MAP3K9: variants seen among roughly 807,000 people sequenced by gnomAD.
MAP3K9 encodes mixed lineage kinase 1 (tyr and ser/thr specificity).
In MAP3K9, 46 loss-of-function variants were observed where a neutral mutation model predicts 95.8. The observed-to-expected ratio is 0.48, with a 90% confidence interval of 0.38 to 0.61. The LOEUF is 0.61. Ranked by LOEUF, MAP3K9 falls within the 20% of genes least tolerant of loss-of-function variation. The pLI is 0.00. For synonymous variants in MAP3K9, 533 were observed against 593.8 expected (o/e 0.90, Z 1.49); for missense variants, 1,296 against 1,474.3 (o/e 0.88, Z 1.98).
rs10149373 is a variant in MAP3K9 at position 70,795,310 on chromosome 14, A to C, written c.820+5357T>G. On this transcript the variant is annotated intron_variant, in intron 2 of 11. Coordinates refer to ENST00000554752, the MANE Select transcript of MAP3K9 (RefSeq NM_001284230.2). ...CATGCCCAGCCTCTCTTTTTCTTTT[A>C]TTTATTTATTTTTTTTGAGATAGAG... 7.3e-3 allele frequency among the ~76,000 whole-genome samples: 857 copies of C among 117,338 alleles called. 6 individuals carry two copies. The highest frequency in any genetic ancestry group is 0.027 in the African/African-American group (814 of 30,374). 77.0% of individuals were successfully genotyped at this position (117,338 alleles called of 152,430 possible).
chr14:70,728,003 G>A lies in MAP3K9; in HGVS notation c.*2377C>T, dbSNP rs747215414. On this transcript the variant is annotated 3_prime_UTR_variant, in exon 12 of 12. Coordinates refer to ENST00000554752, the MANE Select transcript of MAP3K9 (RefSeq NM_001284230.2). The stretch of plus-strand genomic sequence containing the variant: ...ACAGAGCACTGTGTATAGGCAGCAT[G>A]GTTTGGAGGGCCACAAGAGGGCCAT... 2.0e-5 allele frequency: 3 copies of A among 152,024 alleles called. No individual in the cohort carries two copies. The highest frequency in any genetic ancestry group is 2.9e-5 in the Non-Finnish European group (2 of 68,046). 9.4% of individuals were successfully genotyped at this position (152,024 alleles called of 1,614,324 possible).
chr14:70,788,026 C>G (rs2054766880), intron 2 of MAP3K9, among the ~76,000 whole-genome samples: 1 of 152,130 alleles, frequency 6.6e-6, no homozygotes, highest in South Asian at 2.1e-4. Flanking sequence ...AAAAAGTTAT[C>G]AGAGACAAAA....
At chr14:70,757,637 T>C (rs149145664) in intron 3 of MAP3K9, among the ~76,000 whole-genome samples, 109 of 152,286 alleles carry the variant, frequency 7.2e-4, no homozygotes, top group African/African-American at 2.6e-3. Flanking sequence ...TGGAATCACA[T>C]TTCCTAATTT....
At position 70,726,593 on chromosome 14, in the gene MAP3K9, G is replaced by C. The variant is rs190063117; in HGVS notation, c.*3787C>G. 5.2e-5 allele frequency: 8 copies of C among 152,390 alleles called. No individual in the cohort carries two copies. The highest frequency in any genetic ancestry group is 6.5e-5 in the Admixed American group (1 of 15,304). 9.4% of individuals were successfully genotyped at this position (152,390 alleles called of 1,614,324 possible). On this transcript the variant is annotated 3_prime_UTR_variant, in exon 12 of 12. Transcript: ENST00000554752. Reference sequence around the variant, plus strand: ...ACAGCATCAGACAAGTTAAGTGGGGGAATTAGGAAAGAATGCTTGTCAACA... The same window carrying C: ...ACAGCATCAGACAAGTTAAGTGGGGCAATTAGGAAAGAATGCTTGTCAACA...
chr14:70,760,926 A>G (rs1462322049), intron 3 of MAP3K9, 76 bp downstream of exon 3: 2 of 1,517,190 alleles, frequency 1.3e-6, no homozygotes, highest in East Asian at 2.3e-5. Flanking sequence ...AGGTAACCTC[A>G]ATTCTCCAAG....
intron 5 of MAP3K9, among the ~76,000 whole-genome samples, chr14:70,748,263 C>T (rs1020034546): frequency 2.6e-5 from 4 of 152,110 alleles, no homozygotes; most frequent in Non-Finnish European, 5.9e-5. Flanking sequence ...TAGGGACACA[C>T]TGAGGGAACA....
intron 3 of MAP3K9, among the ~76,000 whole-genome samples, chr14:70,756,096 T>C (rs1566743979): frequency 6.6e-6 from 1 of 152,162 alleles, no homozygotes; most frequent in Non-Finnish European, 1.5e-5. Context: ...GGGTAAAAGT[T>C]GAAAGGTCCT....
At chr14:70,762,743 T>C (rs867953913) in intron 2 of MAP3K9, among the ~76,000 whole-genome samples, 9 of 152,344 alleles carry the variant, frequency 5.9e-5, no homozygotes, top group South Asian at 2.1e-4. Context: ...GTTTTTAATT[T>C]AGATGAAGTC....
intron 9 of MAP3K9, among the ~76,000 whole-genome samples, chr14:70,735,009 T>C (rs2053964401): frequency 1.3e-5 from 2 of 152,204 alleles, no homozygotes; most frequent in South Asian, 4.1e-4. Flanking sequence ...TTAGGCAACT[T>C]TCAAAGCCAT....
Position 70,787,451 on chromosome 14 carries a change from C to G in MAP3K9, c.820+13216G>C, listed in dbSNP as rs115634310. Among the ~76,000 whole-genome samples the G allele has an allele frequency of 9.6e-3, 1,445 of 149,948 alleles. 27 individuals carry two copies. The highest frequency in any genetic ancestry group is 0.034 in the African/African-American group (1,390 of 40,642). On this transcript the variant is annotated intron_variant, in intron 2 of 11. Coordinates refer to ENST00000554752, the MANE Select transcript of MAP3K9 (RefSeq NM_001284230.2). ...TGAACCTCAGAGGCAGAGGTTGCAGCAAGCCGAGATGGCACCACTGCACAC... is the reference window on the plus strand; with the variant it reads ...TGAACCTCAGAGGCAGAGGTTGCAGGAAGCCGAGATGGCACCACTGCACAC...
chr14:70,761,889 C>A (rs2054380603), intron 2 of MAP3K9, among the ~76,000 whole-genome samples: 1 of 152,136 alleles, frequency 6.6e-6, no homozygotes, highest in Admixed American at 6.5e-5. Flanking sequence ...CAAAAGGAAA[C>A]CCTGTACCCA....
intron 6 of MAP3K9, among the ~76,000 whole-genome samples, chr14:70,740,622 G>A (rs1275473712): frequency 1.3e-5 from 2 of 152,316 alleles, no homozygotes; most frequent in South Asian, 2.1e-4. Flanking sequence ...TCAATGACTA[G>A]CCCTTGTGGG....
intron 10 of MAP3K9, chr14:70,733,880 C>A: frequency 1.4e-6 from 1 of 709,150 alleles, no homozygotes; most frequent in East Asian, 2.7e-5. Flanking sequence ...GAGAGGGACA[C>A]TTTTTCTCCT....
intron 3 of MAP3K9, among the ~76,000 whole-genome samples, chr14:70,752,141 CT>C (rs1324896844): frequency 2.6e-5 from 4 of 152,182 alleles, no homozygotes; most frequent in Non-Finnish European, 5.9e-5. Flanking sequence ...TTGGTCTTGA[CT>C]CGTCTAGACA....
intron 2 of MAP3K9, among the ~76,000 whole-genome samples, chr14:70,789,438 A>G (rs2054783201): frequency 6.6e-6 from 1 of 152,214 alleles, no homozygotes; most frequent in African/African-American, 2.4e-5. Flanking sequence ...TACTCCTTAG[A>G]AAGGAAAAAA....
Position 70,728,008 on chromosome 14 carries a change from G to A in MAP3K9, c.*2372C>T, listed in dbSNP as rs1199605777. Reference sequence around the variant, plus strand: ...GCACTGTGTATAGGCAGCATGGTTTGGAGGGCCACAAGAGGGCCATTTAGT... The same window carrying A: ...GCACTGTGTATAGGCAGCATGGTTTAGAGGGCCACAAGAGGGCCATTTAGT... On this transcript the variant is annotated 3_prime_UTR_variant, in exon 12 of 12. Transcript: ENST00000554752. 6.6e-6 allele frequency: 1 copy of A among 152,192 alleles called. No homozygotes were observed. The highest frequency in any genetic ancestry group is 2.4e-5 in the African/African-American group (1 of 41,416). 9.4% of individuals were successfully genotyped at this position (152,192 alleles called of 1,614,324 possible). A position where few individuals can be genotyped will look rare whatever the true frequency, so the allele number is the denominator to read the frequency against.
rs771607431 is a variant in MAP3K9 at position 70,732,806 on chromosome 14, C to T, written c.2563G>A (p.Asp855Asn). Residue 855 changes from aspartate (D) to asparagine (N), a missense_variant, in exon 11 of 12, where the codon GAT becomes AAT. Asp to Asn is a conservative substitution (Grantham distance 23, BLOSUM62 1). Coordinates refer to ENST00000554752, the MANE Select transcript of MAP3K9 (RefSeq NM_001284230.2). ...GGCATCTCATACACGACAATTTCATCGCTGTCGGAGCGCAGCAGGGAGCGT... is the reference window on the plus strand; with the variant it reads ...GGCATCTCATACACGACAATTTCATTGCTGTCGGAGCGCAGCAGGGAGCGT... ...STRSLLRSDS[D>N]EIVVYEMPVS... 19 of 1,613,934 alleles carry T rather than the reference C, an allele frequency of 1.2e-5. No homozygotes were observed. The highest frequency in any genetic ancestry group is 2.2e-5 in the East Asian group (1 of 44,872).
intron 1 of MAP3K9, 30 bp downstream of exon 1, chr14:70,808,736 C>T: frequency 7.0e-7 from 1 of 1,434,766 alleles, no homozygotes; most frequent in South Asian, 1.4e-5. Context: ...CGTCATTCCC[C>T]CTCCCCGCCC....
chr14:70,728,937 T>G lies in MAP3K9; in HGVS notation c.*1443A>C, dbSNP rs1007396602. On this transcript the variant is annotated 3_prime_UTR_variant, in exon 12 of 12. Transcript: ENST00000554752. Reference sequence around the variant, plus strand: ...GTCGTCATTCCCACATAAAGACAACTGTTCACACATAACACAGGAGGCCTC... The same window carrying G: ...GTCGTCATTCCCACATAAAGACAACGGTTCACACATAACACAGGAGGCCTC... 19 of 152,274 alleles carry G rather than the reference T, an allele frequency of 1.2e-4. No homozygotes were observed. Among genetic ancestry groups the G allele is most frequent in the African/African-American group, 4.6e-4 (19 of 41,512 alleles). The allele number at this position is 152,274 out of a possible 1,614,324, so 9.4% of individuals were successfully genotyped here. A position where few individuals can be genotyped will look rare whatever the true frequency, so the allele number is the denominator to read the frequency against.
Sources: gnomAD v4.1 joint callset for allele counts (sites outside exome capture counted in the v4.1 genomes callset) on GRCh38, gnomAD v4.1.1 for gene constraint, MANE v1.5 for transcripts, NCBI Gene and HGNC (gene_info 2026-07-23, HGNC 2026-07-21) for gene names.